PCDH15: variants seen among roughly 807,000 people sequenced by gnomAD.
PCDH15 encodes protocadherin-15.
PCDH15 carries 129 observed loss-of-function variants against 178.5 expected under a neutral mutation model. That is an observed-to-expected ratio of 0.72 (90% CI 0.63 to 0.84). The LOEUF (loss-of-function observed/expected upper bound fraction) is 0.84, where lower values mean the gene tolerates loss of function less well. PCDH15 is among the 40% of genes least tolerant of loss of function. PCDH15 has a pLI of 0.00. For synonymous variants in PCDH15, 800 were observed against 732.0 expected (o/e 1.09, Z -1.50); for missense variants, 2,230 against 2,099.9 (o/e 1.06, Z -1.21).
chr10:54,574,238 A>C (rs570391859), intron 2 of PCDH15, among the ~76,000 whole-genome samples: 23 of 151,404 alleles, frequency 1.5e-4, no homozygotes, highest in East Asian at 5.8e-4. Context: ...TCAGCTTTCT[A>C]CATATGGCTA....
chr10:54,928,556 C>T (rs1375745801), intron 2 of PCDH15, among the ~76,000 whole-genome samples: 2 of 152,058 alleles, frequency 1.3e-5, no homozygotes, highest in East Asian at 3.9e-4. Flanking sequence ...CCATTTTCTC[C>T]ATCTCTTTCA....
At chr10:53,951,929 G>A (rs2087097545) in intron 23 of PCDH15, among the ~76,000 whole-genome samples, 1 of 152,188 alleles carries the variant, frequency 6.6e-6, no homozygotes, top group Non-Finnish European at 1.5e-5. Flanking sequence ...GGCCCCAGGT[G>A]CCAGCACAGA....
chr10:54,697,837 C>G (rs2095256694), intron 1 of PCDH15, among the ~76,000 whole-genome samples: 2 of 151,936 alleles, frequency 1.3e-5, no homozygotes, highest in Non-Finnish European at 2.9e-5. Flanking sequence ...GCCAGGAAGA[C>G]TGTTCTTACA....
chr10:55,019,512 G>T (rs931951078), intron 2 of PCDH15, among the ~76,000 whole-genome samples: 1 of 151,868 alleles, frequency 6.6e-6, no homozygotes, highest in Non-Finnish European at 1.5e-5. Flanking sequence ...ACAACTCAGG[G>T]TCTAGACCTG....
At chr10:55,190,988 G>A (rs1564877917) in intron 1 of PCDH15, among the ~76,000 whole-genome samples, 2 of 151,626 alleles carry the variant, frequency 1.3e-5, no homozygotes, top group African/African-American at 2.4e-5. Context: ...TTTGACAGAT[G>A]TCTTATACAA....
At chr10:54,995,358 A>G (rs547071583) in intron 2 of PCDH15, among the ~76,000 whole-genome samples, 3 of 148,458 alleles carry the variant, frequency 2.0e-5, no homozygotes, top group African/African-American at 7.6e-5. Context: ...CCTGGACGAC[A>G]GAGCGAGACT....
intron 3 of PCDH15, among the ~76,000 whole-genome samples, chr10:54,865,223 G>C (rs1953916916): frequency 6.6e-6 from 1 of 152,170 alleles, no homozygotes; most frequent in African/African-American, 2.4e-5. Context: ...AGTGTGGCTA[G>C]AACAAAGCAG....
intron 29 of PCDH15, among the ~76,000 whole-genome samples, chr10:53,840,118 C>T (rs2077549681): frequency 1.3e-5 from 2 of 152,088 alleles, no homozygotes; most frequent in Admixed American, 6.6e-5. Flanking sequence ...AAAATGGGCC[C>T]TCTGAAGTCA....
At chr10:54,413,453 G>A (rs1309325588) in intron 3 of PCDH15, among the ~76,000 whole-genome samples, 2 of 152,060 alleles carry the variant, frequency 1.3e-5, no homozygotes, top group African/African-American at 4.8e-5. Context: ...GTCTACCAAG[G>A]TGATTTTATG....
Position 54,469,154 on chromosome 10 carries a change from T to C in PCDH15, c.157+58658A>G, listed in dbSNP as rs1370583832. Among the ~76,000 whole-genome samples the C allele has an allele frequency of 2.6e-5, 4 of 152,210 alleles. No individual in the cohort carries two copies. In the South Asian group the frequency reaches 8.3e-4, roughly 32 times the overall value. The stretch of plus-strand genomic sequence containing the variant: ...CTCTGTTGCCCAGTTTGGACTGCAG[T>C]GGCACGATCTCTGCTCACTGCAAAT... On this transcript the variant is annotated intron_variant, in intron 3 of 37. Transcript: ENST00000644397.
intron 3 of PCDH15, among the ~76,000 whole-genome samples, chr10:54,472,753 C>T (rs1005721935): frequency 6.6e-6 from 1 of 151,958 alleles, no homozygotes; most frequent in African/African-American, 2.4e-5. Flanking sequence ...TAATAACTGA[C>T]CACAGTTTTA....
At chr10:54,314,054 C>G (rs2061073774) in intron 8 of PCDH15, among the ~76,000 whole-genome samples, 1 of 151,876 alleles carries the variant, frequency 6.6e-6, no homozygotes, top group Non-Finnish European at 1.5e-5. Flanking sequence ...AATCTATTAA[C>G]TCGGAAACAT....
rs559255309 is a variant in PCDH15 at position 55,386,138 on chromosome 10, A to T, written c.-155-219487T>A. Among the ~76,000 whole-genome samples, 74 of 152,102 alleles carry T rather than the reference A, an allele frequency of 4.9e-4. 5 individuals carry two copies. The South Asian group carries it at 0.015, about 30-fold the overall frequency. On this transcript the variant is annotated intron_variant, in intron 2 of 5. Transcript: ENST00000613346. ...AAAAGAAACACACTAACTACACAAG[A>T]TATGTATAATTTACCTAGACTCAAA...
intron 2 of PCDH15, among the ~76,000 whole-genome samples, chr10:55,004,323 C>A (rs1839871051): frequency 6.6e-6 from 1 of 152,076 alleles, no homozygotes; most frequent in Non-Finnish European, 1.5e-5. Context: ...AATTGGTAAA[C>A]AGCAAGAGGT....
At chr10:55,557,303 T>G (rs1842110612) in intron 2 of PCDH15, among the ~76,000 whole-genome samples, 1 of 152,160 alleles carries the variant, frequency 6.6e-6, no homozygotes, top group Non-Finnish European at 1.5e-5. Context: ...AATAAGACTA[T>G]TAGACTTGTA....
At chr10:54,456,655 G>A (rs2076842215) in intron 3 of PCDH15, among the ~76,000 whole-genome samples, 1 of 152,136 alleles carries the variant, frequency 6.6e-6, no homozygotes. Context: ...TGAAATGTGA[G>A]TACGTGAGAT....
At chr10:54,746,548 T>C (rs888963785) in intron 1 of PCDH15, among the ~76,000 whole-genome samples, 6 of 152,206 alleles carry the variant, frequency 3.9e-5, no homozygotes, top group African/African-American at 1.4e-4. Context: ...TTATCATGCA[T>C]TTTATGTCTG....
At chr10:54,909,350 T>C (rs990881394) in intron 2 of PCDH15, among the ~76,000 whole-genome samples, 1 of 152,140 alleles carries the variant, frequency 6.6e-6, no homozygotes, top group African/African-American at 2.4e-5. Flanking sequence ...TGCAGGCCAG[T>C]GCAGAGCTTT....
intron 37 of PCDH15, among the ~76,000 whole-genome samples, chr10:53,807,363 C>A (rs1841258485): frequency 6.6e-6 from 1 of 151,712 alleles, no homozygotes; most frequent in African/African-American, 2.4e-5. Context: ...AGTTGGAAAG[C>A]AGACATTTCA....
Sources: allele counts gnomAD v4.1 joint callset (sites outside exome capture counted in the v4.1 genomes callset), GRCh38; gene constraint gnomAD v4.1.1; transcripts MANE v1.5; gene names NCBI Gene and HGNC (gene_info 2026-07-23, HGNC 2026-07-21).